Variants in KCNIP4 observed in about 807,000 individuals in gnomAD.
KCNIP4 encodes potassium voltage-gated channel interacting protein 4, also known as Kv channel-interacting protein 4.
Under a neutral mutation model 34.0 loss-of-function variants are expected in KCNIP4, and 12 were observed. The observed-to-expected ratio is 0.35, with a 90% CI of 0.23 to 0.57. The LOEUF is 0.57. KCNIP4 is among the 20% of genes least tolerant of loss of function. KCNIP4 has a pLI of 0.83. For synonymous variants in KCNIP4, 124 were observed against 102.2 expected (o/e 1.21, Z -1.29); for missense variants, 238 against 311.7 (o/e 0.76, Z 1.78).
At chr4:20,949,940 A>G (rs1319710264) in intron 1 of KCNIP4, among the ~76,000 whole-genome samples, 3 of 151,082 alleles carry the variant, frequency 2.0e-5, no homozygotes, top group Admixed American at 6.6e-5. Context: ...GCGCACCAGC[A>G]TGGCACATGT....
chr4:21,855,268 T>G (rs765328189), intron 1 of KCNIP4, among the ~76,000 whole-genome samples: 7 of 152,232 alleles, frequency 4.6e-5, no homozygotes, highest in Non-Finnish European at 8.8e-5. Context: ...TTTATGACTT[T>G]GTCTCTCTCA....
chr4:21,921,632 T>G (rs992604250), intron 1 of KCNIP4, among the ~76,000 whole-genome samples: 2 of 152,120 alleles, frequency 1.3e-5, no homozygotes, highest in Non-Finnish European at 2.9e-5. Flanking sequence ...TCAAGCCAAA[T>G]GCCTGGAAGT....
intron 1 of KCNIP4, among the ~76,000 whole-genome samples, chr4:21,143,659 G>T (rs1358115007): frequency 6.6e-6 from 1 of 151,814 alleles, no homozygotes. Flanking sequence ...AATACACTTG[G>T]TGTTTTCAAT....
At position 21,357,548 on chromosome 4, in the gene KCNIP4, G is replaced by A. The variant is rs565128996; in HGVS notation, c.62-474839C>T. Reference sequence around the variant, plus strand: ...CTTCTCAAAAGAAGACATTTATACAGCCAACAGACACATGAAAAAATGCTC... The same window carrying A: ...CTTCTCAAAAGAAGACATTTATACAACCAACAGACACATGAAAAAATGCTC... On this transcript the variant is annotated intron_variant, in intron 1 of 8. Coordinates refer to ENST00000382152, the MANE Select transcript of KCNIP4 (RefSeq NM_025221.6). Among the ~76,000 whole-genome samples, 3 of 152,258 alleles carry A rather than the reference G, an allele frequency of 2.0e-5. No homozygotes were observed. In the South Asian group the frequency reaches 6.2e-4, roughly 32 times the overall value.
At chr4:20,797,049 C>T (rs971042325) in intron 3 of KCNIP4, among the ~76,000 whole-genome samples, 3 of 152,186 alleles carry the variant, frequency 2.0e-5, no homozygotes, top group Non-Finnish European at 4.4e-5. Flanking sequence ...CTTCACCAAC[C>T]TTTACAATGA....
intron 1 of KCNIP4, among the ~76,000 whole-genome samples, chr4:21,196,836 A>C (rs569342552): frequency 1.3e-5 from 2 of 152,264 alleles, no homozygotes; most frequent in South Asian, 4.1e-4. Flanking sequence ...ATAAAACTTA[A>C]GTGTACACTC....
chr4:21,054,974 C>A (rs114561372), intron 1 of KCNIP4, among the ~76,000 whole-genome samples: 2,889 of 151,936 alleles, frequency 0.019, 53 homozygotes, highest in Non-Finnish European at 0.025. Context: ...TAAGAAAATG[C>A]GAGACATCAT....
chr4:21,235,812 G>A (rs917047253), intron 1 of KCNIP4, among the ~76,000 whole-genome samples: 2 of 152,164 alleles, frequency 1.3e-5, no homozygotes, highest in Admixed American at 1.3e-4. Context: ...TATGGAAAGT[G>A]CTTACATGTG....
chr4:21,439,713 C>A (rs1727281733), intron 1 of KCNIP4, among the ~76,000 whole-genome samples: 1 of 151,614 alleles, frequency 6.6e-6, no homozygotes, highest in Non-Finnish European at 1.5e-5. Flanking sequence ...TGGCTGGAAT[C>A]GAGACAGCCA....
rs192125695 is a variant in KCNIP4 at position 21,673,523 on chromosome 4, C to G, written c.61+275048G>C. Among the ~76,000 whole-genome samples the G allele has an allele frequency of 2.3e-3, 353 of 152,082 alleles. 3 individuals carry two copies. Among genetic ancestry groups the G allele is most frequent in the Middle Eastern group, 0.01 (3 of 294 alleles). Reference sequence around the variant, plus strand: ...AATAAAATATTTTATTTTAGAATGGCATATTTAAAAAATAAACCCTCCACT... The same window carrying G: ...AATAAAATATTTTATTTTAGAATGGGATATTTAAAAAATAAACCCTCCACT... On this transcript the variant is annotated intron_variant, in intron 1 of 8. Transcript: ENST00000382152.
intron 1 of KCNIP4, chr4:21,464,907 C>A (rs983361222): frequency 6.6e-6 from 1 of 152,036 alleles, no homozygotes; most frequent in African/African-American, 2.4e-5. Flanking sequence ...ATGAGTAACA[C>A]CCCTCTACGA....
intron 1 of KCNIP4, among the ~76,000 whole-genome samples, chr4:21,650,009 G>T (rs1337518854): frequency 1.3e-5 from 2 of 152,156 alleles, no homozygotes; most frequent in East Asian, 3.8e-4. Flanking sequence ...TGAAACCATT[G>T]TGTGTGCCAG....
chr4:21,687,324 A>T (rs1224680028), intron 1 of KCNIP4, among the ~76,000 whole-genome samples: 1 of 152,064 alleles, frequency 6.6e-6, no homozygotes, highest in African/African-American at 2.4e-5. Context: ...TATAAAAAAA[A>T]AAAAAAAAGA....
chr4:20,921,751 T>C (rs6828208), intron 1 of KCNIP4, among the ~76,000 whole-genome samples: 53,467 of 152,062 alleles, frequency 0.35, 11,088 homozygotes, highest in East Asian at 0.5. Flanking sequence ...ATAGAACATT[T>C]TATCCTTTTG....
chr4:21,387,727 GA>G (rs1722161067), intron 1 of KCNIP4, among the ~76,000 whole-genome samples: 1 of 152,216 alleles, frequency 6.6e-6, no homozygotes, highest in East Asian at 1.9e-4. Context: ...AGGGTTCCCA[GA>G]AAACCAGAAT....
At chr4:21,832,992 G>T (rs1723091436) in intron 1 of KCNIP4, among the ~76,000 whole-genome samples, 2 of 146,966 alleles carry the variant, frequency 1.4e-5, no homozygotes, top group Non-Finnish European at 3.0e-5. Flanking sequence ...CTCTATCATT[G>T]TTGGACATTT....
chr4:21,896,416 G>A (rs1727387426), intron 1 of KCNIP4, among the ~76,000 whole-genome samples: 1 of 152,086 alleles, frequency 6.6e-6, no homozygotes, highest in African/African-American at 2.4e-5. Context: ...CCAAGAAAAA[G>A]GACTTGTGTT....
chr4:20,796,358 G>T (rs1489942797), intron 3 of KCNIP4, among the ~76,000 whole-genome samples: 1 of 152,058 alleles, frequency 6.6e-6, no homozygotes, highest in Non-Finnish European at 1.5e-5. Context: ...GCCCGGGCTG[G>T]AGTGCGCTGG....
chr4:21,442,953 T>C (rs1369625654), intron 1 of KCNIP4, among the ~76,000 whole-genome samples: 1 of 152,206 alleles, frequency 6.6e-6, no homozygotes. Flanking sequence ...ATTTGATCTT[T>C]TCAATCTCAG....
Sources: gnomAD v4.1 joint callset for allele counts (sites outside exome capture counted in the v4.1 genomes callset) on GRCh38, gnomAD v4.1.1 for gene constraint, MANE v1.5 for transcripts, NCBI Gene and HGNC (gene_info 2026-07-23, HGNC 2026-07-21) for gene names.